CNTNAP5: variants seen among roughly 807,000 people sequenced by gnomAD.
CNTNAP5 encodes the protein contactin-associated protein-like 5.
Under a neutral mutation model 150.2 loss-of-function variants are expected in CNTNAP5, and 72 were observed. The observed-to-expected ratio is 0.48, with a 90% CI of 0.40 to 0.58. CNTNAP5 has a LOEUF of 0.58. Ranked by LOEUF, CNTNAP5 falls within the 20% of genes least tolerant of loss-of-function variation. CNTNAP5 has a pLI of 0.00. For synonymous variants in CNTNAP5, 672 were observed against 619.8 expected (o/e 1.08, Z -1.25); for missense variants, 1,636 against 1,626.2 (o/e 1.01, Z -0.10).
intron 1 of CNTNAP5, among the ~76,000 whole-genome samples, chr2:124,182,865 G>A (rs966792853): frequency 5.9e-5 from 9 of 151,962 alleles, no homozygotes; most frequent in African/African-American, 1.9e-4. Context: ...GTTCCATTTT[G>A]TTCCATACCA....
chr2:124,787,542 T>C (rs964023741), intron 17 of CNTNAP5, among the ~76,000 whole-genome samples: 3 of 152,196 alleles, frequency 2.0e-5, no homozygotes, highest in African/African-American at 7.2e-5. Context: ...TAGGATAAAT[T>C]TCTATGGATG....
At chr2:124,539,660 C>G (rs190409678) in intron 10 of CNTNAP5, among the ~76,000 whole-genome samples, 1 of 152,160 alleles carries the variant, frequency 6.6e-6, no homozygotes, top group Admixed American at 6.5e-5. Flanking sequence ...GGAATTTTGG[C>G]AAGGATTGAC....
chr2:124,859,277 A>G (rs1677454223), intron 19 of CNTNAP5, among the ~76,000 whole-genome samples: 1 of 152,258 alleles, frequency 6.6e-6, no homozygotes, highest in Non-Finnish European at 1.5e-5. Flanking sequence ...TCAAAAGAAG[A>G]CATTTATGCA....
chr2:124,750,982 C>CAAAA (rs745635606), intron 14 of CNTNAP5, among the ~76,000 whole-genome samples: 10 of 75,422 alleles, frequency 1.3e-4, no homozygotes, highest in Non-Finnish European at 1.7e-4. Context: ...GACTCCATCT[C>CAAAA]AAAAAAAAAA....
chr2:124,126,677 C>T (rs561356544), intron 1 of CNTNAP5, among the ~76,000 whole-genome samples: 8 of 151,780 alleles, frequency 5.3e-5, no homozygotes, highest in South Asian at 4.1e-4. Context: ...ACTGGCAAAC[C>T]GAATCCAGCA....
chr2:124,545,987 A>C (rs1398807319), intron 10 of CNTNAP5, among the ~76,000 whole-genome samples: 3 of 152,142 alleles, frequency 2.0e-5, no homozygotes, highest in Non-Finnish European at 4.4e-5. Context: ...GATAGCTTCA[A>C]ACTTTGGAAT....
intron 1 of CNTNAP5, among the ~76,000 whole-genome samples, chr2:124,177,700 A>C (rs930353767): frequency 6.6e-6 from 1 of 152,184 alleles, no homozygotes; most frequent in African/African-American, 2.4e-5. Flanking sequence ...ACACACAAAC[A>C]CACTTCTCGC....
At chr2:124,845,610 G>T (rs528636890) in intron 19 of CNTNAP5, among the ~76,000 whole-genome samples, 1 of 151,910 alleles carries the variant, frequency 6.6e-6, no homozygotes, top group African/African-American at 2.4e-5. Flanking sequence ...GAATCCACCT[G>T]GTCCTGGCCT....
At chr2:124,269,625 G>T (rs1687692176) in intron 3 of CNTNAP5, among the ~76,000 whole-genome samples, 1 of 152,058 alleles carries the variant, frequency 6.6e-6, no homozygotes, top group East Asian at 1.9e-4. Context: ...GAAGGCCTCT[G>T]CAGACTGACC....
At chr2:124,343,187 C>A (rs1037835797) in intron 3 of CNTNAP5, among the ~76,000 whole-genome samples, 7 of 152,090 alleles carry the variant, frequency 4.6e-5, no homozygotes, top group Admixed American at 3.9e-4. Context: ...TTGATTATTT[C>A]TGCAGTGTTT....
chr2:124,846,032 C>A (rs1440468081), intron 19 of CNTNAP5, among the ~76,000 whole-genome samples: 2 of 149,250 alleles, frequency 1.3e-5, no homozygotes, highest in Non-Finnish European at 3.0e-5. Context: ...TTTGTTATTT[C>A]TTTTCTTCTG....
intron 1 of CNTNAP5, among the ~76,000 whole-genome samples, chr2:124,027,761 T>G (rs893892067): frequency 1.3e-5 from 2 of 152,366 alleles, no homozygotes; most frequent in Non-Finnish European, 2.9e-5. Flanking sequence ...GAATGCTCAC[T>G]GCTTGCTAAA....
At chr2:124,510,262 T>A (rs1425332989) in intron 8 of CNTNAP5, among the ~76,000 whole-genome samples, 1 of 130,418 alleles carries the variant, frequency 7.7e-6, no homozygotes, top group Non-Finnish European at 1.5e-5. Flanking sequence ...TATATCTATA[T>A]ATCTATATAT....
At chr2:124,597,772 C>T (rs1696867146) in intron 11 of CNTNAP5, among the ~76,000 whole-genome samples, 1 of 152,018 alleles carries the variant, frequency 6.6e-6, no homozygotes. Context: ...GCATCACTTT[C>T]AGGCACACCA....
At chr2:124,451,572 A>G (rs757190128) in intron 6 of CNTNAP5, among the ~76,000 whole-genome samples, 2 of 152,110 alleles carry the variant, frequency 1.3e-5, no homozygotes, top group Non-Finnish European at 2.9e-5. Flanking sequence ...GACAGGCAAA[A>G]CAGCGTGTGG....
At chr2:124,375,899 C>T (rs768505725) in intron 3 of CNTNAP5, among the ~76,000 whole-genome samples, 1 of 152,060 alleles carries the variant, frequency 6.6e-6, no homozygotes, top group Non-Finnish European at 1.5e-5. Flanking sequence ...CTACTTACCA[C>T]AGAATATTCC....
At chr2:124,312,423 A>G (rs1460859586) in intron 3 of CNTNAP5, among the ~76,000 whole-genome samples, 1 of 151,976 alleles carries the variant, frequency 6.6e-6, no homozygotes, top group East Asian at 1.9e-4. Flanking sequence ...ATCTCGGCTC[A>G]CTGCAACCTC....
intron 3 of CNTNAP5, among the ~76,000 whole-genome samples, chr2:124,246,355 T>C (rs938856773): frequency 6.6e-6 from 1 of 152,098 alleles, no homozygotes; most frequent in African/African-American, 2.4e-5. Flanking sequence ...AAACAGCCAC[T>C]TAGTGATGCA....
chr2:124,699,782 CCTTTCTTTCTTTT>C (rs1679480722), intron 13 of CNTNAP5, among the ~76,000 whole-genome samples: 1 of 151,316 alleles, frequency 6.6e-6, no homozygotes, highest in Non-Finnish European at 1.5e-5. Context: ...TGTTCTTTCT[CCTTTCTTTCTTTT>C]CTTTCTTTCT....
Sources: gnomAD v4.1 joint callset for allele counts (sites outside exome capture counted in the v4.1 genomes callset) on GRCh38, gnomAD v4.1.1 for gene constraint, MANE v1.5 for transcripts, NCBI Gene and HGNC (gene_info 2026-07-23, HGNC 2026-07-21) for gene names.